The following BPIFB2 variants were observed in gnomAD, a reference collection of about 807,000 sequenced individuals.
BPIFB2 encodes BPI fold containing family B member 2.
In BPIFB2, 39 loss-of-function variants were observed where a neutral mutation model predicts 50.1. The ratio of observed to expected loss-of-function variants is 0.78; its 90% CI spans 0.60 to 1.02. The LOEUF (loss-of-function observed/expected upper bound fraction) is 1.02, where lower values mean the gene tolerates loss of function less well. Among genes scored for constraint, BPIFB2 ranks in the 50% least tolerant of loss-of-function variants. The pLI is 0.00. For synonymous variants in BPIFB2, 280 were observed against 256.3 expected (o/e 1.09, Z -0.88); for missense variants, 574 against 585.8 (o/e 0.98, Z 0.21).
chr20:33,012,590 C>T (rs1212114297), intron 3 of BPIFB2, among the ~76,000 whole-genome samples: 1 of 152,130 alleles, frequency 6.6e-6, no homozygotes, highest in Non-Finnish European at 1.5e-5. Context: ...AGCGGGGGCC[C>T]CTCTGCATGT....
Position 33,008,804 on chromosome 20 carries a change from G to C in BPIFB2, c.109+121G>C, listed in dbSNP as rs1245152873. 6.2e-6 allele frequency: 5 copies of C among 812,550 alleles called. No homozygotes were observed. In the African/African-American group the frequency reaches 7.1e-5, roughly 11 times the overall value. The allele number at this position is 812,550 out of a possible 1,614,324, so 50.3% of individuals were successfully genotyped here. The stretch of plus-strand genomic sequence containing the variant: ...AGGACCCAGATTTTAATTGGAAGTT[G>C]TGTCCCTGGCACCCAGACAGTGCCT... On this transcript the variant is annotated intron_variant, in intron 2 of 15. Transcript: ENST00000170150.
chr20:33,011,068 A>C lies in BPIFB2; in HGVS notation c.154A>C (p.Thr52Pro). ...CCCTCTCCAGCGGGCCCTGCAGGTC[A>C]CTGTCCCTCATTTCCTGGACTGGAG... The part of the protein sequence containing the change: ...KAPLQRALQV[T>P]VPHFLDWSGE... Residue 52 changes from threonine to proline, a missense_variant, in exon 3 of 16, where the codon ACT becomes CCT. Transcript: ENST00000170150. 1 of 1,614,070 alleles carries C rather than the reference A, an allele frequency of 6.2e-7. No homozygotes were observed. Among genetic ancestry groups the C allele is most frequent in the Non-Finnish European group, 8.5e-7 (1 of 1,179,994 alleles).
intron 6 of BPIFB2, among the ~76,000 whole-genome samples, chr20:33,015,765 G>T (rs1418230017): frequency 6.6e-6 from 1 of 151,998 alleles, no homozygotes; most frequent in Non-Finnish European, 1.5e-5. Flanking sequence ...CATGCTAGAG[G>T]GTGGATGGAG....
rs760064551 is a variant in BPIFB2, at chr20:33,015,482, G to C, written c.502G>C (p.Val168Leu). ...CCTGGTGCAGAAGCACATTAAAGCT[G>C]TCTTGAGTAACAAGGTAAAGGGCTT... ...LVLVQKHIKA[V>L]LSNKLCLSIS... The change falls in exon 6 of 16, where the codon GTC becomes CTC. Residue 168 changes from valine (V) to leucine (L), a missense_variant. Physicochemically the swap from Val to Leu is conservative, Grantham distance 32. Coordinates refer to ENST00000170150, the MANE Select transcript of BPIFB2 (RefSeq NM_025227.3). The C allele has an allele frequency of 6.2e-7, 1 of 1,613,250 alleles. No individual in the cohort carries two copies. The highest frequency in any genetic ancestry group is 8.5e-7 in the Non-Finnish European group (1 of 1,179,470).
In BPIFB2 at chr20:33,023,506, T is replaced by TG; in HGVS notation, c.*123_*124insG. ...GTCATCACCAACAAGCTGGACTGCT[T>TG]AGCTGGGCTGTTTTATCTTCCCTGA... On this transcript the variant is annotated 3_prime_UTR_variant, in exon 16 of 16. Coordinates refer to ENST00000170150, the MANE Select transcript of BPIFB2 (RefSeq NM_025227.3). 1 of 1,189,828 alleles carries TG rather than the reference T, an allele frequency of 8.4e-7. No individual in the cohort carries two copies. The allele number at this position is 1,189,828 out of a possible 1,614,324, so 73.7% of individuals were successfully genotyped here.
chr20:33,014,003 G>A (rs1260561986), intron 5 of BPIFB2, 47 bp downstream of exon 5: 2 of 1,583,128 alleles, frequency 1.3e-6, no homozygotes, highest in Non-Finnish European at 1.7e-6. Flanking sequence ...AGATGCCAAA[G>A]CTGTGCTGCT....
At chr20:33,020,734 T>C (rs1978633163) in intron 13 of BPIFB2, 147 bp downstream of exon 13, 1 of 910,674 alleles carries the variant, frequency 1.1e-6, no homozygotes, top group Non-Finnish European at 1.6e-6. Context: ...TTGGGGACAG[T>C]GGCCAGTCAG....
intron 3 of BPIFB2, 29 bp downstream of exon 3, chr20:33,011,146 G>A (rs767416338): frequency 1.1e-5 from 17 of 1,599,922 alleles, no homozygotes; most frequent in Non-Finnish European, 1.5e-5. Context: ...CAGAGAAGGT[G>A]CTCCTGCCAC....
At chr20:33,020,640 T>C in intron 13 of BPIFB2, 53 bp downstream of exon 13, 1 of 1,521,074 alleles carries the variant, frequency 6.6e-7, no homozygotes, top group South Asian at 1.3e-5. Flanking sequence ...AGGGCACACC[T>C]TGAGCCTGGG....
At position 33,019,258 on chromosome 20, in the gene BPIFB2, A is replaced by G. The variant is rs1327827367; in HGVS notation, c.909+143A>G. ...TTAAACCTACTCCTCCATCTTGGGG[A>G]GGCTCTAACTTCTGCCCAGACATCA... On this transcript the variant is annotated intron_variant, in intron 10 of 15. Coordinates refer to ENST00000170150, the MANE Select transcript of BPIFB2 (RefSeq NM_025227.3). 3 of 1,039,824 alleles carry G rather than the reference A, an allele frequency of 2.9e-6. No homozygotes were observed. In the African/African-American group the frequency reaches 4.8e-5, roughly 16 times the overall value. The allele number at this position is 1,039,824 out of a possible 1,614,324, so 64.4% of individuals were successfully genotyped here.
chr20:33,016,932 G>T, intron 6 of BPIFB2, 110 bp from the exon 7 acceptor site: 1 of 947,516 alleles, frequency 1.1e-6, no homozygotes, highest in East Asian at 2.5e-5. Flanking sequence ...CAGGCATGGT[G>T]TATGGGTTGG....
chr20:33,015,309 A>G (rs1302631400), intron 5 of BPIFB2, 127 bp from the exon 6 acceptor site: 3 of 724,260 alleles, frequency 4.1e-6, no homozygotes, highest in Non-Finnish European at 6.7e-6. Flanking sequence ...ATGGCAGGGC[A>G]TCGAATGGAA....
At chr20:33,022,835 G>A (rs1050284586) in intron 15 of BPIFB2, among the ~76,000 whole-genome samples, 2 of 152,226 alleles carry the variant, frequency 1.3e-5, no homozygotes, top group Non-Finnish European at 2.9e-5. Context: ...TAGGCTACGA[G>A]CTACACTGGG....
At chr20:33,014,448 G>A (rs967648666) in intron 5 of BPIFB2, among the ~76,000 whole-genome samples, 2 of 152,170 alleles carry the variant, frequency 1.3e-5, no homozygotes, top group African/African-American at 2.4e-5. Flanking sequence ...AGATCATTTC[G>A]TTTGATCCTC....
rs1978545129 is a variant in BPIFB2, at chr20:33,018,932, GGC to G, written c.855+113_855+114del. On this transcript the variant is annotated intron_variant, in intron 9 of 15. Coordinates refer to ENST00000170150, the MANE Select transcript of BPIFB2 (RefSeq NM_025227.3). Reference sequence around the variant, plus strand: ...ATGGGTGGGTGGGGCCGCTGAAGCTGGCGCCACAGGGTGGCTGTTGGAAGGGT... The same window carrying G: ...ATGGGTGGGTGGGGCCGCTGAAGCTGGCCACAGGGTGGCTGTTGGAAGGGT... 32 of 1,568,070 alleles carry G rather than the reference GGC, an allele frequency of 2.0e-5. No individual in the cohort carries two copies. In the South Asian group the frequency reaches 3.6e-4, roughly 17 times the overall value.
intron 4 of BPIFB2, among the ~76,000 whole-genome samples, chr20:33,013,256 A>C (rs1265256172): frequency 6.6e-6 from 1 of 152,216 alleles, no homozygotes; most frequent in Non-Finnish European, 1.5e-5. Context: ...AGGGCAAGGC[A>C]CATGAGAGAC....
rs1275823229 is a variant in BPIFB2, at chr20:33,009,216, G to A, written c.109+533G>A. On this transcript the variant is annotated intron_variant, in intron 2 of 15. Transcript: ENST00000170150. This position sits in a 1 kb window ranked among gnomAD's most constrained non-coding sequence, Gnocchi z 4.2. The stretch of plus-strand genomic sequence containing the variant: ...AAGTTATATCCCTTCTGAGCTCAGC[G>A]TGAGAGAACCATCCGCTCTCTGGGT... 1.3e-5 allele frequency among the ~76,000 whole-genome samples: 2 copies of A among 152,138 alleles called. No homozygotes were observed. The highest frequency in any genetic ancestry group is 2.9e-5 in the Non-Finnish European group (2 of 68,016).
Position 33,015,483 on chromosome 20 carries a change from T to G in BPIFB2, c.503T>G (p.Val168Gly). 2 of 1,612,984 alleles carry G rather than the reference T, an allele frequency of 1.2e-6. No homozygotes were observed. The highest frequency in any genetic ancestry group is 2.2e-5 in the South Asian group (2 of 90,992). Residue 168 changes from valine to glycine, a missense_variant, in exon 6 of 16, where the codon GTC becomes GGC. Val to Gly is a moderately radical substitution (Grantham distance 109). Transcript: ENST00000170150. The stretch of plus-strand genomic sequence containing the variant: ...CTGGTGCAGAAGCACATTAAAGCTG[T>G]CTTGAGTAACAAGGTAAAGGGCTTG... ...LVLVQKHIKAVLSNKLCLSIS... is the reference protein window; with the variant it reads ...LVLVQKHIKAGLSNKLCLSIS...
intron 4 of BPIFB2, 88 bp from the exon 5 acceptor site, chr20:33,013,722 G>C (rs1990319105): frequency 6.6e-7 from 1 of 1,514,552 alleles, no homozygotes; most frequent in African/African-American, 1.4e-5. Context: ...AGGGCAGGCA[G>C]GGGCTGGGGA....
Sources: gnomAD v4.1 joint callset for allele counts (sites outside exome capture counted in the v4.1 genomes callset) on GRCh38, gnomAD v4.1.1 for gene constraint, Gnocchi (gnomAD v3.1) non-coding constraint, MANE v1.5 for transcripts, NCBI Gene and HGNC (gene_info 2026-07-23, HGNC 2026-07-21) for gene names.